The following FNDC3A variants were observed in gnomAD, a reference collection of about 807,000 sequenced individuals.
FNDC3A encodes the protein fibronectin type-III domain-containing protein 3A.
A neutral mutation model predicts 148.9 loss-of-function variants in FNDC3A; 32 were observed. The observed-to-expected ratio is 0.21, with a 90% CI of 0.16 to 0.29. FNDC3A has a LOEUF of 0.29. FNDC3A is among the 10% of genes least tolerant of loss of function. The pLI is 1.00. For synonymous variants in FNDC3A, 472 were observed against 473.6 expected (o/e 1.00, Z 0.04); for missense variants, 1,191 against 1,452.8 (o/e 0.82, Z 2.93).
intron 3 of FNDC3A, among the ~76,000 whole-genome samples, chr13:49,112,650 T>C (rs941584149): frequency 2.0e-5 from 3 of 152,208 alleles, no homozygotes; most frequent in Non-Finnish European, 4.4e-5. Flanking sequence ...AAAAATGTGG[T>C]AAGGATATGT....
intron 8 of FNDC3A, among the ~76,000 whole-genome samples, chr13:49,151,156 G>C (rs796367484): frequency 6.6e-6 from 1 of 152,030 alleles, no homozygotes; most frequent in Non-Finnish European, 1.5e-5. Flanking sequence ...CTGTCTAGAT[G>C]ATCTGTCTAA....
intron 2 of FNDC3A, 21 bp downstream of exon 2, chr13:49,006,310 A>G (rs1342901644): frequency 2.1e-6 from 3 of 1,396,228 alleles, no homozygotes; most frequent in African/African-American, 1.4e-5. Context: ...TGAAATGTTT[A>G]TTTCTTTATG....
At chr13:49,003,646 T>C (rs1952168885) in intron 1 of FNDC3A, among the ~76,000 whole-genome samples, 1 of 152,180 alleles carries the variant, frequency 6.6e-6, no homozygotes, top group African/African-American at 2.4e-5. Context: ...GATATTCTTC[T>C]GCATTATCTT....
chr13:49,136,392 A>G lies in FNDC3A; in HGVS notation c.551A>G (p.Glu184Gly). 6.2e-7 allele frequency: 1 copy of G among 1,614,092 alleles called. No homozygotes were observed. The highest frequency in any genetic ancestry group is 8.5e-7 in the Non-Finnish European group (1 of 1,179,954). Residue 184 changes from glutamate (E) to glycine (G), a missense_variant, in exon 6 of 26, where the codon GAA (glutamate) becomes GGA (glycine). By Grantham distance (98) the Glu-to-Gly change is moderately conservative. Around this residue, in one of 3 missense-constraint regions of FNDC3A, gnomAD observed 426 missense variants for 473.2 expected, o/e 0.90. Transcript: ENST00000492622. ...GATGAACGATCTAGTAAAACATATG[A>G]ACGTTTGCAGAAAAAATTGAAGGAT... is the stretch of plus-strand genomic sequence containing the variant. ...FRDERSSKTY[E>G]RLQKKLKDRQ...
intron 2 of FNDC3A, among the ~76,000 whole-genome samples, chr13:49,024,953 G>GA (rs1873590933): frequency 6.6e-6 from 1 of 151,760 alleles, no homozygotes; most frequent in South Asian, 2.1e-4. Context: ...AAAGTGATTA[G>GA]AAAAAAATAT....
chr13:49,075,465 A>G, intron 3 of FNDC3A, 101 bp downstream of exon 3: 1 of 648,650 alleles, frequency 1.5e-6, no homozygotes. Flanking sequence ...CTTCTTTCTC[A>G]CTACCAGCAC....
At chr13:49,105,790 C>T (rs1566252598) in intron 3 of FNDC3A, among the ~76,000 whole-genome samples, 1 of 152,118 alleles carries the variant, frequency 6.6e-6, no homozygotes, top group Admixed American at 6.5e-5. Context: ...ATTACTAGAT[C>T]ATAGAGTATG....
chr13:49,119,308 C>T (rs1881178811), intron 4 of FNDC3A, among the ~76,000 whole-genome samples: 1 of 152,142 alleles, frequency 6.6e-6, no homozygotes, highest in Non-Finnish European at 1.5e-5. Context: ...GCAACAACAT[C>T]AAGAAACACG....
intron 1 of FNDC3A, among the ~76,000 whole-genome samples, chr13:48,980,381 C>T (rs1307854951): frequency 6.6e-6 from 1 of 151,988 alleles, no homozygotes; most frequent in Non-Finnish European, 1.5e-5. Flanking sequence ...TAGAAGTAGT[C>T]TAGGATGAGT....
intron 2 of FNDC3A, among the ~76,000 whole-genome samples, chr13:49,022,438 A>G (rs185896825): frequency 5.0e-4 from 76 of 152,314 alleles, no homozygotes; most frequent in Non-Finnish European, 7.8e-4. Context: ...ACTTTCACCA[A>G]TAGCCAAAAA....
intron 8 of FNDC3A, among the ~76,000 whole-genome samples, chr13:49,152,107 G>A (rs908592433): frequency 3.9e-5 from 6 of 152,170 alleles, no homozygotes; most frequent in Admixed American, 6.6e-5. Context: ...TGGGCTTGCT[G>A]GGTGAAATGG....
intron 1 of FNDC3A, among the ~76,000 whole-genome samples, chr13:48,999,978 A>T (rs1952095893): frequency 1.3e-5 from 2 of 152,164 alleles, no homozygotes; most frequent in African/African-American, 4.8e-5. Context: ...GGTTTTTTTT[A>T]AAATAGCAGA....
chr13:49,017,863 C>T (rs1273120779), intron 2 of FNDC3A, among the ~76,000 whole-genome samples: 8 of 152,030 alleles, frequency 5.3e-5, no homozygotes, highest in Admixed American at 5.2e-4. Context: ...ACTTACGAAG[C>T]TTAGTTTGGC....
intron 1 of FNDC3A, among the ~76,000 whole-genome samples, chr13:48,999,367 G>T (rs534587266): frequency 6.6e-6 from 1 of 152,326 alleles, no homozygotes; most frequent in East Asian, 1.9e-4. Context: ...TTTGGAGTGG[G>T]AATGTCTGTC....
intron 8 of FNDC3A, among the ~76,000 whole-genome samples, chr13:49,160,505 CTCTTT>C (rs1884029731): frequency 6.6e-6 from 1 of 152,086 alleles, no homozygotes; most frequent in Non-Finnish European, 1.5e-5. Flanking sequence ...TGATTCTTCT[CTCTTT>C]TCTTCTTTAT....
At chr13:49,083,968 G>T (rs1187484596) in intron 3 of FNDC3A, among the ~76,000 whole-genome samples, 1 of 152,166 alleles carries the variant, frequency 6.6e-6, no homozygotes. Context: ...CTGGGAATGA[G>T]GACTCTGAAT....
At chr13:49,034,040 T>C (rs1874320644) in intron 2 of FNDC3A, among the ~76,000 whole-genome samples, 1 of 152,008 alleles carries the variant, frequency 6.6e-6, no homozygotes, top group South Asian at 2.1e-4. Flanking sequence ...AGCTTATAAC[T>C]TATATTTATT....
At chr13:49,106,837 G>A (rs1880224746) in intron 3 of FNDC3A, among the ~76,000 whole-genome samples, 1 of 120,508 alleles carries the variant, frequency 8.3e-6, no homozygotes, top group African/African-American at 3.2e-5. Context: ...GCTAATGACA[G>A]AATAAACAAA....
At chr13:48,999,861 A>T (rs528142200) in intron 1 of FNDC3A, among the ~76,000 whole-genome samples, 11 of 152,312 alleles carry the variant, frequency 7.2e-5, no homozygotes, top group Admixed American at 7.2e-4. Flanking sequence ...AGCCAGGAAG[A>T]GAGGATCCTT....
Sources: gnomAD v4.1 joint callset for allele counts (sites outside exome capture counted in the v4.1 genomes callset) on GRCh38, gnomAD v4.1.1 for gene constraint, gnomAD v4.1.1 regional missense constraint, MANE v1.5 for transcripts, NCBI Gene and HGNC (gene_info 2026-07-23, HGNC 2026-07-21) for gene names.